HECW1: variants seen among roughly 807,000 people sequenced by gnomAD.
HECW1 encodes HECT, C2 and WW domain containing E3 ubiquitin protein ligase 1, also known as E3 ubiquitin-protein ligase HECW1.
A neutral mutation model predicts 182.3 loss-of-function variants in HECW1; 61 were observed. That is an observed-to-expected ratio of 0.33 (90% CI 0.27 to 0.41). The LOEUF (loss-of-function observed/expected upper bound fraction) is 0.41, where lower values mean the gene tolerates loss of function less well. HECW1 is among the 10% of genes least tolerant of loss of function. HECW1 has a pLI of 1.00. For missense variants in HECW1, 1,739 were observed against 2,108.9 expected (o/e 0.82, Z 3.44); for synonymous variants, 859 against 832.6 (o/e 1.03, Z -0.55).
In HECW1 at chr7:43,360,911, C is replaced by T; in HGVS notation, c.486C>T (p.Tyr162=). The T allele has an allele frequency of 6.2e-7, 1 of 1,614,096 alleles. No homozygotes were observed. Among genetic ancestry groups the T allele is most frequent in the African/African-American group, 1.3e-5 (1 of 75,040 alleles). Residue 162 remains tyrosine (Y), a synonymous_variant, in exon 6 of 30, where the codon TAC becomes TAT. Coordinates refer to ENST00000395891, the MANE Select transcript of HECW1 (RefSeq NM_015052.5). ...CTGAAACTAAGATCTGCTTCAAATA[C>T]TACCATGGAGTGAGTGGGGCCCTGC... The part of the protein sequence containing the change: ...VEPETKICFK[Y]YHGVSGALRA...
rs574479695 is a variant in HECW1 at position 43,263,242 on chromosome 7, A to G, written c.27+19310A>G. 6.6e-5 allele frequency among the ~76,000 whole-genome samples: 10 copies of G among 152,334 alleles called. 1 individual carries two copies. The South Asian group carries it at 1.7e-3, about 25-fold the overall frequency. On this transcript the variant is annotated intron_variant, in intron 3 of 29. Coordinates refer to ENST00000395891, the MANE Select transcript of HECW1 (RefSeq NM_015052.5). ...ATTTTTGCCTCTTAAGGACATAGAG[A>G]TGGGGGTTTTCATTAACTTATTAAA... is the stretch of plus-strand genomic sequence containing the variant.
chr7:43,247,985 G>C (rs1337160884), intron 3 of HECW1, among the ~76,000 whole-genome samples: 1 of 137,690 alleles, frequency 7.3e-6, no homozygotes, highest in Non-Finnish European at 1.5e-5. Flanking sequence ...AAAGAAGGAA[G>C]GAAGAAGGAA....
At chr7:43,223,881 A>C (rs566469510) in intron 2 of HECW1, among the ~76,000 whole-genome samples, 32 of 152,260 alleles carry the variant, frequency 2.1e-4, no homozygotes, top group Admixed American at 5.9e-4. Context: ...GTGAATCCCC[A>C]GGTCTCACTT....
intron 5 of HECW1, among the ~76,000 whole-genome samples, chr7:43,350,120 G>A (rs953935143): frequency 6.6e-6 from 1 of 152,114 alleles, no homozygotes; most frequent in Non-Finnish European, 1.5e-5. Context: ...CTTCATATAT[G>A]ATGCTTAGTT....
At chr7:43,238,798 C>G (rs1225707258) in intron 2 of HECW1, among the ~76,000 whole-genome samples, 2 of 151,850 alleles carry the variant, frequency 1.3e-5, no homozygotes, top group Non-Finnish European at 2.9e-5. Context: ...TTTTTTCCCT[C>G]TAATGTAAGA....
At chr7:43,142,315 C>G (rs938011151) in intron 2 of HECW1, among the ~76,000 whole-genome samples, 2 of 152,112 alleles carry the variant, frequency 1.3e-5, no homozygotes, top group Admixed American at 1.3e-4. Context: ...AAACAAGTTC[C>G]CAAGATAATT....
In HECW1 at chr7:43,320,648, C is replaced by T. The variant is rs201545934; in HGVS notation, c.366C>T (p.Ser122=). The change falls in exon 5 of 30, where the codon TCC becomes TCT. Residue 122 remains serine, a synonymous_variant. Transcript: ENST00000395891. The part of the protein sequence containing the change: ...IGMYLIDEVL[S]ENFLDYKNRG... ...CTGGGAATATAGATGAGGTCTTGTC[C>T]GAAAACTTTCTGGACTATAAAAACC... The T allele has an allele frequency of 7.4e-4, 1,187 of 1,613,440 alleles. 3 individuals are homozygous for T. The highest frequency in any genetic ancestry group is 9.7e-4 in the Non-Finnish European group (1,139 of 1,179,450).
chr7:43,490,747 G>C (rs1370553228), intron 17 of HECW1, among the ~76,000 whole-genome samples: 1 of 151,940 alleles, frequency 6.6e-6, no homozygotes, highest in Non-Finnish European at 1.5e-5. Flanking sequence ...AGCTAAGTTA[G>C]TTTTTTTGTT....
chr7:43,540,280 G>C lies in HECW1; in HGVS notation c.4020-883G>C, dbSNP rs183045559. ...TGAGAAAATTCACCACTAAATCCCC[G>C]ATAAGGTGAAAACCTACTTAGAGTG... On this transcript the variant is annotated intron_variant, in intron 24 of 29. Transcript: ENST00000395891. Among the ~76,000 whole-genome samples the C allele has an allele frequency of 6.4e-3, 974 of 152,242 alleles. 5 individuals carry two copies. The highest frequency in any genetic ancestry group is 9.5e-3 in the Non-Finnish European group (647 of 68,014).
chr7:43,134,317 C>T lies in HECW1; in HGVS notation c.-32+19926C>T, dbSNP rs563005519. ...GCTGAAGCAGAAGAACCGCTTGAAC[C>T]CGGGAGGCAGAGGTTGCAGTGAGCC... On this transcript the variant is annotated intron_variant, in intron 2 of 29. Transcript: ENST00000395891. Among the ~76,000 whole-genome samples, 3 of 140,180 alleles carry T rather than the reference C, an allele frequency of 2.1e-5. No individual in the cohort carries two copies. The East Asian group carries it at 6.7e-4, about 31-fold the overall frequency. The allele number at this position is 140,180 out of a possible 152,430, so 92.0% of individuals were successfully genotyped here. A position where few individuals can be genotyped will look rare whatever the true frequency, so the allele number is the denominator to read the frequency against.
At chr7:43,277,578 G>T (rs747689792) in intron 3 of HECW1, among the ~76,000 whole-genome samples, 16 of 152,148 alleles carry the variant, frequency 1.1e-4, no homozygotes, top group Non-Finnish European at 1.9e-4. Flanking sequence ...CACCTGCTAG[G>T]ATGTCTTTCC....
chr7:43,552,724 T>C (rs1361364836), intron 28 of HECW1, among the ~76,000 whole-genome samples: 1 of 152,244 alleles, frequency 6.6e-6, no homozygotes. Flanking sequence ...GGTTCATCCA[T>C]GTTGTATGTA....
intron 4 of HECW1, among the ~76,000 whole-genome samples, chr7:43,319,496 C>T (rs1394059224): frequency 8.0e-5 from 12 of 150,406 alleles, no homozygotes; most frequent in Non-Finnish European, 1.5e-4. Context: ...TCCCAGGCCT[C>T]GTCTCCTCCC....
chr7:43,397,580 AT>A (rs1347370751), intron 7 of HECW1, among the ~76,000 whole-genome samples: 1 of 152,044 alleles, frequency 6.6e-6, no homozygotes. Context: ...GTTAGGAGCA[AT>A]TTTTTGTGGG....
chr7:43,317,836 TG>T lies in HECW1; in HGVS notation c.353-2798del, dbSNP rs1209931805. ...GTGTGTGTGTGTGTGTGTGTGTGTG[TG>T]TGTGTGTGTGTGTGTTTGCCATCCT... On this transcript the variant is annotated intron_variant, in intron 4 of 29. Transcript: ENST00000395891. Among the ~76,000 whole-genome samples the T allele has an allele frequency of 5.9e-4, 90 of 152,022 alleles. 1 individual carries two copies. The highest frequency in any genetic ancestry group is 2.1e-3 in the African/African-American group (87 of 41,460).
intron 2 of HECW1, chr7:43,147,519 C>T (rs1392207100): frequency 1.3e-5 from 2 of 152,174 alleles, no homozygotes; most frequent in Non-Finnish European, 1.5e-5. Flanking sequence ...AACTCAGTTC[C>T]ATATTCATCA....
intron 3 of HECW1, among the ~76,000 whole-genome samples, chr7:43,270,903 GAAGT>G (rs1802330135): frequency 6.6e-6 from 1 of 152,088 alleles, no homozygotes; most frequent in South Asian, 2.1e-4. Context: ...ACTTTGAAAA[GAAGT>G]ATGTGGAAAC....
At chr7:43,309,149 C>T (rs1808171989) in intron 3 of HECW1, among the ~76,000 whole-genome samples, 1 of 152,066 alleles carries the variant, frequency 6.6e-6, no homozygotes, top group African/African-American at 2.4e-5. Flanking sequence ...GATTCCTGTG[C>T]ATCATGGAGC....
intron 10 of HECW1, 92 bp downstream of exon 10, chr7:43,442,721 G>A: frequency 1.2e-6 from 1 of 861,194 alleles, no homozygotes; most frequent in South Asian, 1.4e-5. Flanking sequence ...GTTCTCTCCA[G>A]ATGTATCCTA....
Sources: gnomAD v4.1 joint callset for allele counts (sites outside exome capture counted in the v4.1 genomes callset) on GRCh38, gnomAD v4.1.1 for gene constraint, MANE v1.5 for transcripts, NCBI Gene and HGNC (gene_info 2026-07-23, HGNC 2026-07-21) for gene names.